EPHA2: variants seen among roughly 807,000 people sequenced by gnomAD.
EPHA2 encodes ephrin type-A receptor 2.
EPHA2 carries 54 observed loss-of-function variants against 104.9 expected under a neutral mutation model. The observed-to-expected ratio is 0.51, with a 90% confidence interval of 0.41 to 0.65. EPHA2 has a LOEUF of 0.65. Among genes scored for constraint, EPHA2 ranks in the 30% least tolerant of loss-of-function variants. The pLI is 0.00. For missense variants in EPHA2, 1,117 were observed against 1,369.5 expected (o/e 0.82, Z 2.91); for synonymous variants, 560 against 559.1 (o/e 1.00, Z -0.02).
Position 16,133,222 on chromosome 1 carries a change from T to C in EPHA2, c.2011A>G (p.Ser671Gly), listed in dbSNP as rs1341791002. ...TCTAGGCGGATGATGTTGTGGTGGCTGAACTGGCCCATGATGCCGGCCTCG... is the reference window on the plus strand; with the variant it reads ...TCTAGGCGGATGATGTTGTGGTGGCCGAACTGGCCCATGATGCCGGCCTCG... ...LGEAGIMGQF[S>G]HHNIIRLEGV... The change falls in exon 11 of 17, where the codon AGC becomes GGC. Residue 671 changes from serine to glycine, a missense_variant. Transcript: ENST00000358432. The C allele has an allele frequency of 3.1e-6, 5 of 1,613,794 alleles. No individual in the cohort carries two copies. In the South Asian group the frequency reaches 5.5e-5, roughly 18 times the overall value.
intron 3 of EPHA2, 72 bp from the exon 4 acceptor site, chr1:16,138,502 T>TTCCC: frequency 6.2e-7 from 1 of 1,604,106 alleles, no homozygotes; most frequent in Non-Finnish European, 8.5e-7. Flanking sequence ...GACTGTCTCA[T>TTCCC]TCCCTCACCA....
In EPHA2 at chr1:16,133,581, G is replaced by A. The variant is rs148209354; in HGVS notation, c.1764C>T (p.Tyr588=). The A allele has an allele frequency of 3.0e-5, 48 of 1,613,966 alleles. No individual in the cohort carries two copies. Among genetic ancestry groups the A allele is most frequent in the Admixed American group, 1.5e-4 (9 of 60,002 alleles). The change falls in exon 10 of 17, where the codon TAC becomes TAT. Residue 588 remains tyrosine, a synonymous_variant. Coordinates refer to ENST00000358432, the MANE Select transcript of EPHA2 (RefSeq NM_004431.5). ...KSEQLKPLKT[Y]VDPHTYEDPN... ...GGTCCTCATATGTGTGGGGGTCCACGTATGTCTTCAGGGGCTTCAGTTGTT... is the reference window on the plus strand; with the variant it reads ...GGTCCTCATATGTGTGGGGGTCCACATATGTCTTCAGGGGCTTCAGTTGTT...
rs1053831663 is a variant in EPHA2, at chr1:16,128,115, A to G, written c.2825+1319T>C. Among the ~76,000 whole-genome samples the G allele has an allele frequency of 1.3e-5, 2 of 152,252 alleles. No individual in the cohort carries two copies. Among genetic ancestry groups the G allele is most frequent in the Middle Eastern group, 3.4e-3 (1 of 294 alleles). ...GGGAGTGGAGGAAAAGAGGAGAGCA[A>G]TGAGGATTTAGCACCCACTGTATAC... On this transcript the variant is annotated intron_variant, in intron 16 of 16. Coordinates refer to ENST00000358432, the MANE Select transcript of EPHA2 (RefSeq NM_004431.5). This position sits in a 1 kb window ranked among gnomAD's most constrained non-coding sequence, Gnocchi z 4.7.
Position 16,128,362 on chromosome 1 carries a change from A to G in EPHA2, c.2825+1072T>C, listed in dbSNP as rs2024507270. On this transcript the variant is annotated intron_variant, in intron 16 of 16. Coordinates refer to ENST00000358432, the MANE Select transcript of EPHA2 (RefSeq NM_004431.5). This position sits in a 1 kb window ranked among gnomAD's most constrained non-coding sequence, Gnocchi z 4.7. ...TCGGCTCTGTTCCTGCCTGCTTCCC[A>G]TCACCGACTGTCCCCTGAGGGAGGC... Among the ~76,000 whole-genome samples, 1 of 152,092 alleles carries G rather than the reference A, an allele frequency of 6.6e-6. No individual in the cohort carries two copies. Among genetic ancestry groups the G allele is most frequent in the South Asian group, 2.1e-4 (1 of 4,822 alleles).
Position 16,134,405 on chromosome 1 carries a change from G to A in EPHA2, c.1682+63C>T. On this transcript the variant is annotated intron_variant, in intron 8 of 16. Transcript: ENST00000358432. This position sits in a 1 kb window ranked among gnomAD's most constrained non-coding sequence, Gnocchi z 4.5. Reference sequence around the variant, plus strand: ...GCCCCATCGTTCAGATGAGGAAATGGAGGTTCCTGCCCCATTTTCCCACCC... The same window carrying A: ...GCCCCATCGTTCAGATGAGGAAATGAAGGTTCCTGCCCCATTTTCCCACCC... 1 of 1,536,148 alleles carries A rather than the reference G, an allele frequency of 6.5e-7. No homozygotes were observed. Among genetic ancestry groups the A allele is most frequent in the Non-Finnish European group, 9.0e-7 (1 of 1,112,964 alleles).
At chr1:16,147,972 A>G (rs550096911) in intron 3 of EPHA2, among the ~76,000 whole-genome samples, 1 of 151,838 alleles carries the variant, frequency 6.6e-6, no homozygotes, top group South Asian at 2.1e-4. Context: ...CCCGGGTTCA[A>G]GCAATTGATT....
intron 12 of EPHA2, 42 bp downstream of exon 12, chr1:16,132,336 C>G: frequency 6.2e-7 from 1 of 1,614,146 alleles, no homozygotes; most frequent in Non-Finnish European, 8.5e-7. Flanking sequence ...GCCCCGGGCT[C>G]AATGGCCAGG....
In EPHA2 at chr1:16,148,931, C is replaced by T; in HGVS notation, c.270G>A (p.Glu90=). 2 of 1,614,186 alleles carry T rather than the reference C, an allele frequency of 1.2e-6. No individual in the cohort carries two copies. Among genetic ancestry groups the T allele is most frequent in the Non-Finnish European group, 1.7e-6 (2 of 1,180,054 alleles). ...TGAGCTCAATGAAGATACGCTCAGC[C>T]TCTCCTCGGTACACCCAGTTGGTGC... ...WLRTNWVYRG[E]AERIFIELKF... The change falls in exon 3 of 17, where the codon GAG becomes GAA. Residue 90 remains glutamate (E), a synonymous_variant. Coordinates refer to ENST00000358432, the MANE Select transcript of EPHA2 (RefSeq NM_004431.5). This position sits in a 1 kb window ranked among gnomAD's most constrained non-coding sequence, Gnocchi z 4.9.
rs1396726551 is a variant in EPHA2, at chr1:16,134,506, A to C, written c.1644T>G (p.Leu548=). The part of the protein sequence containing the change: ...IGGVAVGVVL[L]LVLAGVGFFI... ...AGAAGCCAACTCCTGCCAGCACCAG[A>C]AGCAGGACCACACCGACAGCCACGC... Residue 548 remains leucine (L), a synonymous_variant, in exon 8 of 17, where the codon CTT becomes CTG. Coordinates refer to ENST00000358432, the MANE Select transcript of EPHA2 (RefSeq NM_004431.5). This position sits in a 1 kb window ranked among gnomAD's most constrained non-coding sequence, Gnocchi z 4.5. 6.2e-7 allele frequency: 1 copy of C among 1,614,046 alleles called. No individual in the cohort carries two copies. The highest frequency in any genetic ancestry group is 8.5e-7 in the Non-Finnish European group (1 of 1,180,014).
intron 3 of EPHA2, among the ~76,000 whole-genome samples, chr1:16,144,636 A>G (rs1265699157): frequency 2.0e-5 from 3 of 152,200 alleles, no homozygotes; most frequent in Non-Finnish European, 4.4e-5. Flanking sequence ...GGGAAACCAC[A>G]GGAGGGAAGC....
rs1487454796 is a variant in EPHA2 at position 16,128,542 on chromosome 1, C to T, written c.2825+892G>A. 1.3e-5 allele frequency among the ~76,000 whole-genome samples: 2 copies of T among 152,224 alleles called. No individual in the cohort carries two copies. Among genetic ancestry groups the T allele is most frequent in the African/African-American group, 4.8e-5 (2 of 41,452 alleles). ...CATACGGTTCCCAAAACCTCCCAGCCTCCCGGTCTGTTCCCGCCATGATCT... is the reference window on the plus strand; with the variant it reads ...CATACGGTTCCCAAAACCTCCCAGCTTCCCGGTCTGTTCCCGCCATGATCT... On this transcript the variant is annotated intron_variant, in intron 16 of 16. Coordinates refer to ENST00000358432, the MANE Select transcript of EPHA2 (RefSeq NM_004431.5). This position sits in a 1 kb window ranked among gnomAD's most constrained non-coding sequence, Gnocchi z 4.7.
intron 3 of EPHA2, among the ~76,000 whole-genome samples, chr1:16,145,732 G>T (rs2024920440): frequency 6.6e-6 from 1 of 152,150 alleles, no homozygotes; most frequent in Non-Finnish European, 1.5e-5. Context: ...CCTACCCCAG[G>T]GCCAGGAGCT....
At position 16,155,675 on chromosome 1, in the gene EPHA2, C is replaced by G. The variant is rs113182230; in HGVS notation, c.85+173G>C. 1,001 of 481,912 alleles carry G rather than the reference C, an allele frequency of 2.1e-3. 11 individuals are homozygous for G. The highest frequency in any genetic ancestry group is 0.018 in the African/African-American group (906 of 49,342). The allele number at this position is 481,912 out of a possible 1,614,324, so 29.9% of individuals were successfully genotyped here. A position where few individuals can be genotyped will look rare whatever the true frequency, so the allele number is the denominator to read the frequency against. ...GCTTATTCTCCGGAGCCCCTATGACCCCGGGTGGGGGCCAGGGCTCGCCTC... is the reference window on the plus strand; with the variant it reads ...GCTTATTCTCCGGAGCCCCTATGACGCCGGGTGGGGGCCAGGGCTCGCCTC... On this transcript the variant is annotated intron_variant, in intron 1 of 16. Coordinates refer to ENST00000358432, the MANE Select transcript of EPHA2 (RefSeq NM_004431.5).
At chr1:16,132,580 T>C in intron 11 of EPHA2, 141 bp from the exon 12 acceptor site, 1 of 662,536 alleles carries the variant, frequency 1.5e-6, no homozygotes, top group Non-Finnish European at 2.4e-6. Context: ...GTGGGGAGGG[T>C]GGGTACAGGT....
At chr1:16,133,708 C>A (rs1222768637) in intron 9 of EPHA2, 102 bp from the exon 10 acceptor site, 3 of 1,568,428 alleles carry the variant, frequency 1.9e-6, no homozygotes, top group African/African-American at 1.3e-5. Flanking sequence ...GAGACTTGGA[C>A]CAGGCTGTGG....
chr1:16,135,084 G>C lies in EPHA2; in HGVS notation c.1534C>G (p.Gln512Glu), dbSNP rs766415777. Residue 512 changes from glutamine (Q) to glutamate (E), a missense_variant, in exon 7 of 17, where the codon CAG (glutamine) becomes GAG (glutamate). Coordinates refer to ENST00000358432, the MANE Select transcript of EPHA2 (RefSeq NM_004431.5). The surrounding 1 kb of genome is among the most constrained non-coding windows in gnomAD (Gnocchi z 4.3). ...TTGCTGCCGGCCCCCTGGCCCTCCT[G>C]CGTCAGTGCCTGCACCTGGACCAGG... ...TYLVQVQALTQEGQGAGSKVH... is the reference protein window; with the variant it reads ...TYLVQVQALTEEGQGAGSKVH... The C allele has an allele frequency of 6.2e-7, 1 of 1,613,792 alleles. No homozygotes were observed. The highest frequency in any genetic ancestry group is 8.5e-7 in the Non-Finnish European group (1 of 1,180,028).
chr1:16,144,405 A>G (rs1201766523), intron 3 of EPHA2, among the ~76,000 whole-genome samples: 3 of 152,176 alleles, frequency 2.0e-5, no homozygotes, highest in Admixed American at 6.5e-5. Context: ...TGGGGGACCA[A>G]CTGTGATCTG....
chr1:16,133,553 T>G lies in EPHA2; in HGVS notation c.1792A>C (p.Asn598His), dbSNP rs2024621214. 1.2e-6 allele frequency: 2 copies of G among 1,613,992 alleles called. No homozygotes were observed. The highest frequency in any genetic ancestry group is 2.7e-5 in the African/African-American group (2 of 74,918). ...YVDPHTYEDPNQAVLKFTTEI... is the reference protein window; with the variant it reads ...YVDPHTYEDPHQAVLKFTTEI... The stretch of plus-strand genomic sequence containing the variant: ...GTAGTGAACTTCAACACAGCCTGGT[T>G]GGGGTCCTCATATGTGTGGGGGTCC... The change falls in exon 10 of 17, where the codon AAC becomes CAC. Residue 598 changes from asparagine (N) to histidine (H), a missense_variant. Physicochemically the swap from Asn to His is moderately conservative, Grantham distance 68. Coordinates refer to ENST00000358432, the MANE Select transcript of EPHA2 (RefSeq NM_004431.5).
At position 16,129,560 on chromosome 1, in the gene EPHA2, C is replaced by T. The variant is rs2124193335; in HGVS notation, c.2699G>A (p.Gly900Asp). 1 of 1,612,726 alleles carries T rather than the reference C, an allele frequency of 6.2e-7. No homozygotes were observed. Among genetic ancestry groups the T allele is most frequent in the Non-Finnish European group, 8.5e-7 (1 of 1,179,936 alleles). ...CGTGCGGAAGGGCACCCCCTCCGAG[C>T]CGCTCGTGCTGGGGAGCCGGATAGA... is the stretch of plus-strand genomic sequence containing the variant. ...RVSIRLPSTS[G>D]SEGVPFRTVS... Residue 900 changes from glycine (G) to aspartate (D), a missense_variant, in exon 16 of 17, where the codon GGC becomes GAC. Physicochemically the swap from Gly to Asp is moderately conservative, Grantham distance 94. Coordinates refer to ENST00000358432, the MANE Select transcript of EPHA2 (RefSeq NM_004431.5).
Sources: allele counts gnomAD v4.1 joint callset (sites outside exome capture counted in the v4.1 genomes callset), GRCh38; gene constraint gnomAD v4.1.1; non-coding constraint Gnocchi (gnomAD v3.1); transcripts MANE v1.5; gene names NCBI Gene and HGNC (gene_info 2026-07-23, HGNC 2026-07-21).